The following ZNF721 variants were observed in gnomAD, a reference collection of about 807,000 sequenced individuals.
ZNF721 encodes zinc finger protein 721.
A neutral mutation model predicts 2.4 loss-of-function variants in ZNF721; 2 were observed. That is an observed-to-expected ratio of 0.82 (90% CI 0.34 to 2.58). ZNF721 has a LOEUF of 2.58. ZNF721 is among the 30% of genes most tolerant of loss of function. The pLI, the probability that ZNF721 is intolerant of heterozygous loss-of-function variation, is 0.11. For missense variants in ZNF721, 1,187 were observed against 1,085.5 expected, an observed-to-expected ratio of 1.09 and a Z score of -1.31; for synonymous variants, 398 against 381.8, an observed-to-expected ratio of 1.04 and a Z score of -0.50.
At chr4:497,487 C>T (rs1413501269) in intron 1 of ZNF721, among the ~76,000 whole-genome samples, 1 of 152,112 alleles carries the variant, frequency 6.6e-6, no homozygotes, top group Non-Finnish European at 1.5e-5. Context: ...AAGTTAAGGA[C>T]GCCCATGACA....
intron 2 of ZNF721, among the ~76,000 whole-genome samples, chr4:446,285 A>C (rs1411907727): frequency 1.3e-5 from 2 of 152,248 alleles, no homozygotes; most frequent in Non-Finnish European, 2.9e-5. Context: ...AAAAATGATC[A>C]TAAACTGTTG....
At chr4:445,724 G>C (rs1181585317) in intron 2 of ZNF721, among the ~76,000 whole-genome samples, 5 of 152,002 alleles carry the variant, frequency 3.3e-5, no homozygotes, top group African/African-American at 1.2e-4. Context: ...ATTTTCAGAA[G>C]TTAAAAAAAG....
At chr4:468,129 C>G (rs536494878) in intron 2 of ZNF721, among the ~76,000 whole-genome samples, 1 of 152,054 alleles carries the variant, frequency 6.6e-6, no homozygotes. Context: ...TAGCCTGGCA[C>G]GGTGACGGGC....
chr4:489,883 C>T (rs1269144301), intron 1 of ZNF721, among the ~76,000 whole-genome samples: 1 of 152,040 alleles, frequency 6.6e-6, no homozygotes, highest in Non-Finnish European at 1.5e-5. Context: ...TTTATTGAGA[C>T]AGAGTCTTGC....
At chr4:488,986 A>T (rs548651994) in intron 1 of ZNF721, among the ~76,000 whole-genome samples, 14 of 152,300 alleles carry the variant, frequency 9.2e-5, no homozygotes, top group African/African-American at 3.4e-4. Flanking sequence ...TAGCGGGAAG[A>T]AATGTGATTA....
intron 1 of ZNF721, among the ~76,000 whole-genome samples, chr4:478,288 G>T (rs1423229451): frequency 1.3e-5 from 2 of 152,090 alleles, no homozygotes; most frequent in African/African-American, 4.8e-5. Context: ...CTGTTTTTAT[G>T]AGTAGACTAC....
At chr4:460,511 A>G (rs1265718802) in intron 2 of ZNF721, among the ~76,000 whole-genome samples, 1 of 152,124 alleles carries the variant, frequency 6.6e-6, no homozygotes, top group Admixed American at 6.6e-5. Flanking sequence ...ACACCTTATC[A>G]TCACAATTAA....
intron 2 of ZNF721, among the ~76,000 whole-genome samples, chr4:468,542 G>A (rs1293658765): frequency 6.6e-6 from 1 of 151,994 alleles, no homozygotes; most frequent in East Asian, 1.9e-4. Context: ...CAATCCTACT[G>A]CCTGCCATAT....
At chr4:447,473 G>T (rs978303097) in intron 2 of ZNF721, among the ~76,000 whole-genome samples, 1 of 151,840 alleles carries the variant, frequency 6.6e-6, no homozygotes, top group Non-Finnish European at 1.5e-5. Context: ...AGACACTAAG[G>T]AAGACAGAAA....
chr4:492,635 TTTTA>T (rs1268251824), intron 1 of ZNF721, among the ~76,000 whole-genome samples: 22 of 151,252 alleles, frequency 1.5e-4, no homozygotes, highest in Non-Finnish European at 1.5e-5. Context: ...TCATAAATCC[TTTTA>T]TTGTGACTTA....
At chr4:496,041 G>C (rs538164811) in intron 1 of ZNF721, among the ~76,000 whole-genome samples, 1 of 152,282 alleles carries the variant, frequency 6.6e-6, no homozygotes, top group Non-Finnish European at 1.5e-5. Flanking sequence ...CAAAAAGGTG[G>C]CGTTGTTATG....
At chr4:486,561 G>C (rs1715902726) in intron 1 of ZNF721, among the ~76,000 whole-genome samples, 1 of 152,112 alleles carries the variant, frequency 6.6e-6, no homozygotes, top group African/African-American at 2.4e-5. Flanking sequence ...ATACTCTGCT[G>C]GTCGGCTAAA....
chr4:485,319 C>T (rs565882155), intron 1 of ZNF721, among the ~76,000 whole-genome samples: 1 of 152,162 alleles, frequency 6.6e-6, no homozygotes, highest in Non-Finnish European at 1.5e-5. Flanking sequence ...ATCATGGTTT[C>T]AGTTTTGGGG....
intron 1 of ZNF721, 31 bp from the exon 2 acceptor site, chr4:472,732 T>G (rs553975299): frequency 1.1e-5 from 18 of 1,607,686 alleles, no homozygotes; most frequent in South Asian, 4.5e-5. Flanking sequence ...AGTGACAGAG[T>G]TCTTAATTTG....
intron 1 of ZNF721, among the ~76,000 whole-genome samples, chr4:480,038 G>T (rs1343312295): frequency 6.6e-6 from 1 of 152,144 alleles, no homozygotes; most frequent in Non-Finnish European, 1.5e-5. Context: ...TGGGTATGGT[G>T]ATTTTGGATG....
chr4:492,191 A>AC (rs1214642606), intron 1 of ZNF721, among the ~76,000 whole-genome samples: 7 of 151,928 alleles, frequency 4.6e-5, no homozygotes, highest in Non-Finnish European at 7.4e-5. Context: ...AAACAAACAA[A>AC]AAAAAAACCT....
intron 1 of ZNF721, among the ~76,000 whole-genome samples, chr4:493,072 T>C (rs1203875819): frequency 6.6e-6 from 1 of 151,922 alleles, no homozygotes; most frequent in African/African-American, 2.4e-5. Context: ...TCACATTACA[T>C]TTACCTATTT....
chr4:445,927 A>G (rs185154469), intron 2 of ZNF721, among the ~76,000 whole-genome samples: 1 of 152,214 alleles, frequency 6.6e-6, no homozygotes, highest in African/African-American at 2.4e-5. Context: ...CAACAAAACT[A>G]TTTCACACCA....
At position 496,707 on chromosome 4, in the gene ZNF721, C is replaced by CTTTTTTTTTTTTTTT. The variant is rs781947891; in HGVS notation, c.-94+2334_-94+2348dup. 2.4e-5 allele frequency among the ~76,000 whole-genome samples: 2 copies of CTTTTTTTTTTTTTTT among 83,886 alleles called. 1 individual carries two copies. The highest frequency in any genetic ancestry group is 9.3e-5 in the African/African-American group (2 of 21,472). 55.0% of individuals were successfully genotyped at this position (83,886 alleles called of 152,430 possible). On this transcript the variant is annotated intron_variant, in intron 1 of 2. Transcript: ENST00000511833. ...AATGATCACACAAAATACATGACTT[C>CTTTTTTTTTTTTTTT]TTTTTTTTTTTTTTTTTTTTTTTTT...
Sources: allele counts gnomAD v4.1 joint callset (sites outside exome capture counted in the v4.1 genomes callset), GRCh38; gene constraint gnomAD v4.1.1; transcripts MANE v1.5; gene names NCBI Gene and HGNC (gene_info 2026-07-23, HGNC 2026-07-21).